Variants in QKI observed in about 807,000 individuals in gnomAD.
QKI encodes the protein QKI, KH domain containing RNA binding, also known as KH domain-containing RNA-binding protein QKI.
In QKI, 10 loss-of-function variants were observed where a neutral mutation model predicts 39.0. That is an observed-to-expected ratio of 0.26 (90% CI 0.16 to 0.43). The LOEUF is 0.43. Ranked by LOEUF, QKI falls within the 20% of genes least tolerant of loss-of-function variation. QKI has a pLI of 1.00. For synonymous variants in QKI, 204 were observed against 155.4 expected (o/e 1.31, Z -2.33); for missense variants, 218 against 428.0 (o/e 0.51, Z 4.33).
rs1046961804 is a variant in QKI at position 163,549,537 on chromosome 6, C to T, written c.547-12445C>T. 3.4e-4 allele frequency among the ~76,000 whole-genome samples: 51 copies of T among 152,196 alleles called. 1 individual carries two copies. The highest frequency in any genetic ancestry group is 2.9e-3 in the Admixed American group (44 of 15,284). The stretch of plus-strand genomic sequence containing the variant: ...ACCAGCCTGGGCAACATAGTGAATC[C>T]CCATCTTTACGAAAAATACAAAAAA... On this transcript the variant is annotated intron_variant, in intron 4 of 7. Coordinates refer to ENST00000361752, the MANE Select transcript of QKI (RefSeq NM_006775.3).
Position 163,535,065 on chromosome 6 carries a change from C to T in QKI, c.486C>T (p.Asn162=). The T allele has an allele frequency of 6.2e-7, 1 of 1,611,470 alleles. No individual in the cohort carries two copies. The highest frequency in any genetic ancestry group is 1.1e-5 in the South Asian group (1 of 90,338). ...HVLITVEDAQ[N]RAEIKLKRAV... Reference sequence around the variant, plus strand: ...TAATCACTGTGGAAGATGCTCAGAACAGAGCAGAAATCAAATTGAAGAGAG... The same window carrying T: ...TAATCACTGTGGAAGATGCTCAGAATAGAGCAGAAATCAAATTGAAGAGAG... Residue 162 remains asparagine (N), a synonymous_variant, in exon 4 of 8, where the codon AAC becomes AAT. Transcript: ENST00000361752.
At chr6:163,568,824 G>A (rs1210914483) in intron 7 of QKI, 1 of 985,654 alleles carries the variant, frequency 1.0e-6, no homozygotes, top group East Asian at 1.1e-4. Flanking sequence ...TGAATTTGAA[G>A]CCTATTAGAG....
At chr6:163,549,376 T>A (rs1243466671) in intron 4 of QKI, among the ~76,000 whole-genome samples, 2 of 152,126 alleles carry the variant, frequency 1.3e-5, no homozygotes, top group Non-Finnish European at 2.9e-5. Flanking sequence ...TGTGAATAAC[T>A]TAAGACTCAG....
intron 3 of QKI, among the ~76,000 whole-genome samples, chr6:163,491,657 A>T (rs1778061692): frequency 6.6e-6 from 1 of 152,172 alleles, no homozygotes; most frequent in African/African-American, 2.4e-5. Context: ...TTCCGGGTTG[A>T]TAATATCTCA....
intron 3 of QKI, among the ~76,000 whole-genome samples, chr6:163,487,744 C>T (rs991381856): frequency 6.6e-6 from 1 of 152,058 alleles, no homozygotes; most frequent in Non-Finnish European, 1.5e-5. Context: ...TAGTTAAATT[C>T]AGCTCTCCCA....
At chr6:163,532,880 TG>T (rs993086539) in intron 3 of QKI, among the ~76,000 whole-genome samples, 8 of 152,060 alleles carry the variant, frequency 5.3e-5, no homozygotes, top group African/African-American at 1.9e-4. Flanking sequence ...AGCCAGTGAG[TG>T]GGGGCAGTTA....
At chr6:163,479,822 C>G (rs982262691) in intron 3 of QKI, among the ~76,000 whole-genome samples, 1 of 152,156 alleles carries the variant, frequency 6.6e-6, no homozygotes, top group Non-Finnish European at 1.5e-5. Context: ...TTTGAAAAAT[C>G]TGAAATTTTT....
chr6:163,539,957 T>TA lies in QKI; in HGVS notation c.546+4833dup, dbSNP rs143781375. The stretch of plus-strand genomic sequence containing the variant: ...TTGGTTCTTATAACTATTTGTTATT[T>TA]AGGTCAGTTTTTATATTAAGGAGCT... On this transcript the variant is annotated intron_variant, in intron 4 of 7. Transcript: ENST00000361752. 0.01 allele frequency among the ~76,000 whole-genome samples: 1,595 copies of TA among 152,242 alleles called. 76 individuals are homozygous for TA. In the East Asian group the frequency reaches 0.15, roughly 14 times the overall value.
Position 163,415,024 on chromosome 6 carries a change from C to A in QKI, c.-170C>A. On this transcript the variant is annotated 5_prime_UTR_variant, in exon 1 of 8. Coordinates refer to ENST00000361752, the MANE Select transcript of QKI (RefSeq NM_006775.3). The stretch of plus-strand genomic sequence containing the variant: ...AAAGTGCCTGCGGGGGGCGGGCGAG[C>A]GCGCGGTGCCGGCCGCCCCGGGGCT... 3.3e-6 allele frequency: 2 copies of A among 604,414 alleles called. No individual in the cohort carries two copies. Among genetic ancestry groups the A allele is most frequent in the Non-Finnish European group, 4.1e-6 (2 of 486,176 alleles). The allele number at this position is 604,414 out of a possible 1,614,324, so 37.4% of individuals were successfully genotyped here. A position where few individuals can be genotyped will look rare whatever the true frequency, so the allele number is the denominator to read the frequency against.
chr6:163,545,059 T>C, intron 4 of QKI, among the ~76,000 whole-genome samples: 1 of 152,120 alleles, frequency 6.6e-6, no homozygotes, highest in Non-Finnish European at 1.5e-5. Context: ...ATGTAGTCCT[T>C]ACCAGAGATC....
intron 3 of QKI, among the ~76,000 whole-genome samples, chr6:163,494,537 A>G (rs948651153): frequency 2.0e-5 from 3 of 152,182 alleles, no homozygotes; most frequent in Non-Finnish European, 4.4e-5. Flanking sequence ...AGTCACCCAA[A>G]TGCTCTTTTT....
chr6:163,467,819 A>G (rs919749813), intron 2 of QKI, among the ~76,000 whole-genome samples: 15 of 152,188 alleles, frequency 9.9e-5, no homozygotes, highest in East Asian at 7.7e-4. Context: ...ATTGTTTACA[A>G]TGGTTTGAAA....
intron 3 of QKI, among the ~76,000 whole-genome samples, chr6:163,489,424 C>CTGTGTG (rs66826538): frequency 0.014 from 2,082 of 149,024 alleles, 58 homozygotes; most frequent in African/African-American, 0.048. Flanking sequence ...AGAAGTTATG[C>CTGTGTG]TGTGTGTGTG....
intron 3 of QKI, among the ~76,000 whole-genome samples, chr6:163,488,257 A>C (rs1355704237): frequency 6.6e-6 from 1 of 151,836 alleles, no homozygotes; most frequent in East Asian, 1.9e-4. Flanking sequence ...GACAGTCTGC[A>C]CTCTTGTGAG....
chr6:163,454,199 C>G (rs985788827), intron 1 of QKI, among the ~76,000 whole-genome samples: 1 of 152,080 alleles, frequency 6.6e-6, no homozygotes, highest in East Asian at 1.9e-4. Flanking sequence ...GCAGTATGTT[C>G]CAAAGGACAG....
chr6:163,560,103 G>A (rs1782902203), intron 4 of QKI, among the ~76,000 whole-genome samples: 1 of 152,122 alleles, frequency 6.6e-6, no homozygotes, highest in African/African-American at 2.4e-5. Flanking sequence ...TCTCATACCA[G>A]TCACTTATAA....
chr6:163,565,942 T>G (rs1300553528), intron 6 of QKI: 1 of 1,613,306 alleles, frequency 6.2e-7, no homozygotes, highest in South Asian at 1.1e-5. Context: ...CCTTTTATCT[T>G]TAGGTATGGC....
intron 4 of QKI, among the ~76,000 whole-genome samples, chr6:163,544,649 C>T (rs555992819): frequency 2.6e-4 from 40 of 152,166 alleles, no homozygotes; most frequent in African/African-American, 9.1e-4. Flanking sequence ...AATTTTGAGA[C>T]TGTAAAATAC....
At chr6:163,562,826 A>G (rs9458859) in intron 5 of QKI, among the ~76,000 whole-genome samples, 13,429 of 152,260 alleles carry the variant, frequency 0.088, 680 homozygotes, top group African/African-American at 0.13. Context: ...GTTACTTTAC[A>G]AATTGTTGAC....
Sources: gnomAD v4.1 joint callset for allele counts (sites outside exome capture counted in the v4.1 genomes callset) on GRCh38, gnomAD v4.1.1 for gene constraint, MANE v1.5 for transcripts, NCBI Gene and HGNC (gene_info 2026-07-23, HGNC 2026-07-21) for gene names.